Variants in FAF2 observed in about 807,000 individuals in gnomAD.
The protein encoded by FAF2 is FAS-associated factor 2.
A neutral mutation model predicts 62.3 loss-of-function variants in FAF2; 9 were observed. The ratio of observed to expected loss-of-function variants is 0.14; its 90% CI spans 0.09 to 0.25. The LOEUF (loss-of-function observed/expected upper bound fraction) is 0.25, where lower values mean the gene tolerates loss of function less well. Among genes scored for constraint, FAF2 ranks in the 10% least tolerant of loss-of-function variants. The pLI is 1.00. For missense variants in FAF2, 368 were observed against 556.2 expected, an observed-to-expected ratio of 0.66 and a Z score of 3.40; for synonymous variants, 202 against 198.0, an observed-to-expected ratio of 1.02 and a Z score of -0.17.
chr5:176,485,976 C>CA (rs1317126884), intron 2 of FAF2, among the ~76,000 whole-genome samples: 1 of 152,236 alleles, frequency 6.6e-6, no homozygotes. Flanking sequence ...AGGACTGCTT[C>CA]ACTGCATAAC....
At chr5:176,455,393 G>A (rs569297204) in intron 1 of FAF2, among the ~76,000 whole-genome samples, 1 of 152,144 alleles carries the variant, frequency 6.6e-6, no homozygotes, top group African/African-American at 2.4e-5. Flanking sequence ...AGGCTGCAGT[G>A]GGCTGTGATT....
At chr5:176,499,842 C>T (rs1180363911) in intron 9 of FAF2, among the ~76,000 whole-genome samples, 161 bp from the exon 10 acceptor site, 1 of 152,132 alleles carries the variant, frequency 6.6e-6, no homozygotes, top group Non-Finnish European at 1.5e-5. Context: ...ACATGAGATG[C>T]AATTGTACTT....
At chr5:176,459,831 T>C (rs1333201361) in intron 1 of FAF2, among the ~76,000 whole-genome samples, 4 of 152,114 alleles carry the variant, frequency 2.6e-5, no homozygotes, top group Non-Finnish European at 5.9e-5. Flanking sequence ...ATAGCCCAGA[T>C]TGTAAGCATA....
rs749607373 is a variant in FAF2 at position 176,448,490 on chromosome 5, G to A, written c.63+20G>A. ...TTTCAGGTAGCAGCGAGTACTCGGTGCAGCAGATGCCTCCGTGGGATGGGG... is the reference window on the plus strand; with the variant it reads ...TTTCAGGTAGCAGCGAGTACTCGGTACAGCAGATGCCTCCGTGGGATGGGG... On this transcript the variant is annotated intron_variant, in intron 1 of 10. Coordinates refer to ENST00000261942, the MANE Select transcript of FAF2 (RefSeq NM_014613.3). The A allele has an allele frequency of 9.5e-6, 15 of 1,581,292 alleles. No homozygotes were observed. Among genetic ancestry groups the A allele is most frequent in the Middle Eastern group, 1.7e-4 (1 of 5,968 alleles).
intron 3 of FAF2, among the ~76,000 whole-genome samples, chr5:176,487,208 A>G (rs1179004605): frequency 6.6e-6 from 1 of 152,134 alleles, no homozygotes; most frequent in Non-Finnish European, 1.5e-5. Flanking sequence ...TGTTTGAGAC[A>G]GGGTCTCACT....
chr5:176,501,227 A>T (rs931530855), intron 10 of FAF2, among the ~76,000 whole-genome samples: 2 of 152,230 alleles, frequency 1.3e-5, no homozygotes, highest in African/African-American at 4.8e-5. Context: ...TTAAATACTA[A>T]CTACTATTTT....
rs561573308 is a variant in FAF2 at position 176,470,405 on chromosome 5, C to T, written c.64-8783C>T. ...CCAGCCTGACCAACATGGAGAAACC[C>T]GGTGTGCACTAAAAATGCAAAATTA... On this transcript the variant is annotated intron_variant, in intron 1 of 10. Coordinates refer to ENST00000261942, the MANE Select transcript of FAF2 (RefSeq NM_014613.3). Among the ~76,000 whole-genome samples the T allele has an allele frequency of 6.6e-5, 10 of 152,336 alleles. No homozygotes were observed. The East Asian group carries it at 1.2e-3, about 18-fold the overall frequency.
At chr5:176,505,620 C>T (rs901325074) in intron 10 of FAF2, among the ~76,000 whole-genome samples, 4 of 152,176 alleles carry the variant, frequency 2.6e-5, no homozygotes, top group African/African-American at 9.7e-5. Context: ...CCCCTTCCCA[C>T]TCTTCCACAC....
chr5:176,481,218 T>C (rs893757990), intron 2 of FAF2, among the ~76,000 whole-genome samples: 3 of 152,068 alleles, frequency 2.0e-5, no homozygotes, highest in Non-Finnish European at 2.9e-5. Flanking sequence ...GGCTAATTTT[T>C]TGTATTTTTA....
At chr5:176,448,607 A>C in intron 1 of FAF2, 137 bp downstream of exon 1, 1 of 842,882 alleles carries the variant, frequency 1.2e-6, no homozygotes, top group Non-Finnish European at 1.8e-6. Context: ...CCAGACTCCA[A>C]CTGCCCTGAT....
At chr5:176,463,756 G>A (rs1269645479) in intron 1 of FAF2, among the ~76,000 whole-genome samples, 1 of 147,026 alleles carries the variant, frequency 6.8e-6, no homozygotes, top group East Asian at 2.0e-4. Context: ...TTGAGACAGA[G>A]TCTTGCTGTG....
intron 1 of FAF2, among the ~76,000 whole-genome samples, chr5:176,476,035 C>T (rs758095940): frequency 2.6e-5 from 4 of 152,064 alleles, no homozygotes; most frequent in Admixed American, 2.0e-4. Flanking sequence ...GCGGGAGGAT[C>T]GCTTGAGCCC....
In FAF2 at chr5:176,476,359, G is replaced by A. The variant is rs553574092; in HGVS notation, c.64-2829G>A. 5.3e-4 allele frequency among the ~76,000 whole-genome samples: 80 copies of A among 152,272 alleles called. 1 individual carries two copies. The South Asian group carries it at 0.016, about 31-fold the overall frequency. On this transcript the variant is annotated intron_variant, in intron 1 of 10. Transcript: ENST00000261942. ...ATTTCAGCTTATAGCTATGATGACT[G>A]AAGCTTATACAAAAAGGTCCTTTTA...
At chr5:176,454,305 A>G (rs1307646013) in intron 1 of FAF2, among the ~76,000 whole-genome samples, 1 of 152,084 alleles carries the variant, frequency 6.6e-6, no homozygotes, top group Non-Finnish European at 1.5e-5. Flanking sequence ...AGGCAGGAGA[A>G]TCACTTGAAT....
intron 4 of FAF2, 125 bp downstream of exon 4, chr5:176,489,152 C>A: frequency 3.2e-6 from 2 of 620,386 alleles, no homozygotes; most frequent in East Asian, 2.9e-5. Flanking sequence ...GAATACACTT[C>A]CCGAACTGTC....
At chr5:176,484,783 C>G (rs1365711302) in intron 2 of FAF2, among the ~76,000 whole-genome samples, 1 of 151,480 alleles carries the variant, frequency 6.6e-6, no homozygotes, top group African/African-American at 2.4e-5. Flanking sequence ...CCCAGCTACT[C>G]GGGAGGCTGA....
At chr5:176,477,244 CTTTTT>C (rs61443027) in intron 1 of FAF2, among the ~76,000 whole-genome samples, 3 of 78,396 alleles carry the variant, frequency 3.8e-5, no homozygotes, top group Non-Finnish European at 4.5e-5. Flanking sequence ...CGTGCCCGGC[CTTTTT>C]TTTTTTTTTT....
chr5:176,457,051 C>A (rs2113716397), intron 1 of FAF2, among the ~76,000 whole-genome samples: 1 of 152,174 alleles, frequency 6.6e-6, no homozygotes, highest in Non-Finnish European at 1.5e-5. Flanking sequence ...TTATGAACTC[C>A]TCTAAGTATT....
chr5:176,490,758 A>G (rs1193062611), intron 4 of FAF2, among the ~76,000 whole-genome samples: 1 of 152,188 alleles, frequency 6.6e-6, no homozygotes, highest in Non-Finnish European at 1.5e-5. Context: ...ATGAAAACTA[A>G]GTTGACATCT....
Sources: allele counts gnomAD v4.1 joint callset (sites outside exome capture counted in the v4.1 genomes callset), GRCh38; gene constraint gnomAD v4.1.1; transcripts MANE v1.5; gene names NCBI Gene and HGNC (gene_info 2026-07-23, HGNC 2026-07-21).